Variants in DISC1 observed in about 807,000 individuals in gnomAD.
The protein encoded by DISC1 is DISC1 scaffold protein, also known as disrupted in schizophrenia 1 protein.
In DISC1, 57 loss-of-function variants were observed where a neutral mutation model predicts 84.5. That is an observed-to-expected ratio of 0.67 (90% CI 0.55 to 0.84). The LOEUF is 0.84. Ranked by LOEUF, DISC1 falls within the 40% of genes least tolerant of loss-of-function variation. The probability of loss-of-function intolerance (pLI) is 0.00; values close to 1 mark genes in which losing one functional copy is unlikely to be tolerated. For missense variants in DISC1, 1,000 were observed against 1,057.8 expected (o/e 0.95, Z 0.76); for synonymous variants, 411 against 415.2 (o/e 0.99, Z 0.12).
chr1:231,930,484 A>G (rs2090592427), intron 9 of DISC1, among the ~76,000 whole-genome samples: 1 of 152,198 alleles, frequency 6.6e-6, no homozygotes, highest in Non-Finnish European at 1.5e-5. Context: ...TTTGCATTAA[A>G]TGATGTTGGC....
At chr1:231,912,640 G>C (rs2089299628) in intron 9 of DISC1, among the ~76,000 whole-genome samples, 1 of 152,192 alleles carries the variant, frequency 6.6e-6, no homozygotes, top group South Asian at 2.1e-4. Context: ...GGACCCACTT[G>C]AGGAGGCAGT....
chr1:231,894,744 GTTGTGT>G (rs747685111), intron 9 of DISC1, among the ~76,000 whole-genome samples: 1 of 85,886 alleles, frequency 1.2e-5, no homozygotes, highest in East Asian at 4.3e-4. Context: ...TGTGTCATCT[GTTGTGT>G]GTGTGTGTGT....
At chr1:231,722,877 A>G (rs1350522936) in intron 3 of DISC1, 12 of 1,381,760 alleles carry the variant, frequency 8.7e-6, no homozygotes, top group Non-Finnish European at 1.1e-5. Context: ...ATGGCATGAA[A>G]AAACCGCTAT....
chr1:232,001,536 C>G (rs1007568006), intron 10 of DISC1, among the ~76,000 whole-genome samples: 2 of 152,012 alleles, frequency 1.3e-5, no homozygotes, highest in Admixed American at 6.6e-5. Flanking sequence ...GAGATATAAT[C>G]CAACATATTA....
intron 9 of DISC1, among the ~76,000 whole-genome samples, chr1:231,931,636 C>T (rs1043288765): frequency 2.1e-5 from 3 of 144,988 alleles, no homozygotes; most frequent in African/African-American, 7.7e-5. Context: ...AGTTTTGACA[C>T]TGCTTGTGAT....
rs1269027011 is a variant in DISC1 at position 232,008,931 on chromosome 1, C to A, written c.2189C>A (p.Pro730His). ...ATGGATGACTTAGAGGGAGCTGCTC[C>A]TCCTATTCCCCCCAGGCTCCACTCC... ...RQMDDLEGAA[P>H]PIPPRLHSED... Residue 730 changes from proline to histidine, a missense_variant, in exon 11 of 13, where the codon CCT becomes CAT. By Grantham distance (77) the Pro-to-His change is moderately conservative. Transcript: ENST00000439617. 6.2e-7 allele frequency: 1 copy of A among 1,613,632 alleles called. No homozygotes were observed. The highest frequency in any genetic ancestry group is 1.7e-5 in the Admixed American group (1 of 59,992).
intron 9 of DISC1, among the ~76,000 whole-genome samples, chr1:231,925,022 T>C (rs1377573297): frequency 6.6e-6 from 1 of 151,540 alleles, no homozygotes; most frequent in East Asian, 1.9e-4. Flanking sequence ...ATTTGTCTTA[T>C]GGATAAGGTG....
At chr1:231,681,820 C>T (rs1024243625) in intron 1 of DISC1, among the ~76,000 whole-genome samples, 1 of 152,106 alleles carries the variant, frequency 6.6e-6, no homozygotes, top group South Asian at 2.1e-4. Context: ...CTCAGCCTCC[C>T]AAGTAGCTAG....
chr1:231,679,954 G>A (rs1436673350), intron 1 of DISC1, among the ~76,000 whole-genome samples: 3 of 152,176 alleles, frequency 2.0e-5, no homozygotes, highest in Non-Finnish European at 4.4e-5. Context: ...AAGGCCAGGC[G>A]CAGTGGTTCA....
chr1:231,674,232 T>A (rs1177209179), intron 1 of DISC1, among the ~76,000 whole-genome samples: 1 of 151,766 alleles, frequency 6.6e-6, no homozygotes, highest in Non-Finnish European at 1.5e-5. Flanking sequence ...ATGTCAGATT[T>A]GTCAAGCTAG....
chr1:232,037,310 T>G lies in DISC1; in HGVS notation c.*479T>G, dbSNP rs987770108. ...CTACAGGTGCACAATCTAAGAGAGCTAATTAACCTCAGAGTCTGGAGTTAA... is the reference window on the plus strand; with the variant it reads ...CTACAGGTGCACAATCTAAGAGAGCGAATTAACCTCAGAGTCTGGAGTTAA... On this transcript the variant is annotated 3_prime_UTR_variant, in exon 13 of 13. Transcript: ENST00000439617. The G allele has an allele frequency of 6.6e-6, 1 of 152,238 alleles. No individual in the cohort carries two copies. The highest frequency in any genetic ancestry group is 1.5e-5 in the Non-Finnish European group (1 of 68,078). 9.4% of individuals were successfully genotyped at this position (152,238 alleles called of 1,614,324 possible). A position where few individuals can be genotyped will look rare whatever the true frequency, so the allele number is the denominator to read the frequency against.
rs1368293397 is a variant in DISC1, at chr1:231,784,712, G to C, written c.1635-10530G>C. 3.3e-5 allele frequency among the ~76,000 whole-genome samples: 5 copies of C among 152,152 alleles called. No individual in the cohort carries two copies. In the East Asian group the frequency reaches 9.6e-4, roughly 29 times the overall value. On this transcript the variant is annotated intron_variant, in intron 6 of 12. Transcript: ENST00000439617. ...AAAAGATGAGCTAGTTGGTGAGCAC[G>C]AAGGTGAGTGTCTGGCTTGAGTCCA...
chr1:231,822,230 C>G (rs1479729624), intron 9 of DISC1, among the ~76,000 whole-genome samples: 1 of 152,086 alleles, frequency 6.6e-6, no homozygotes, highest in Non-Finnish European at 1.5e-5. Flanking sequence ...ATTTTCCCAC[C>G]TTATGCCAGC....
At chr1:231,837,147 G>A (rs879257478) in intron 9 of DISC1, among the ~76,000 whole-genome samples, 5 of 151,954 alleles carry the variant, frequency 3.3e-5, no homozygotes, top group African/African-American at 7.3e-5. Flanking sequence ...AATATTAATC[G>A]TGAGCCCCAA....
intron 9 of DISC1, among the ~76,000 whole-genome samples, chr1:231,847,367 G>C (rs1195779248): frequency 6.6e-6 from 1 of 152,046 alleles, no homozygotes; most frequent in Non-Finnish European, 1.5e-5. Flanking sequence ...GAAGTACCAG[G>C]GATTAGGGAT....
At chr1:232,019,948 CTT>C (rs754652378) in intron 11 of DISC1, among the ~76,000 whole-genome samples, 4 of 152,148 alleles carry the variant, frequency 2.6e-5, no homozygotes, top group Non-Finnish European at 2.9e-5. Flanking sequence ...GGAATTGAGA[CTT>C]TGCAGAGTTC....
At chr1:231,691,781 T>C (rs2125638729) in intron 1 of DISC1, among the ~76,000 whole-genome samples, 1 of 152,326 alleles carries the variant, frequency 6.6e-6, no homozygotes, top group East Asian at 1.9e-4. Flanking sequence ...GTATGAGTAG[T>C]GCGTGTGCCT....
intron 4 of DISC1, among the ~76,000 whole-genome samples, chr1:231,757,428 G>A (rs1186379183): frequency 6.6e-6 from 1 of 152,096 alleles, no homozygotes; most frequent in African/African-American, 2.4e-5. Context: ...TATTTTTGTT[G>A]TCACTTTGTT....
intron 3 of DISC1, chr1:231,723,319 G>C: frequency 1.2e-5 from 12 of 985,908 alleles, no homozygotes; most frequent in Non-Finnish European, 1.4e-5. Context: ...CATAACTGCA[G>C]GCAGAACATC....
Sources: gnomAD v4.1 joint callset for allele counts (sites outside exome capture counted in the v4.1 genomes callset) on GRCh38, gnomAD v4.1.1 for gene constraint, MANE v1.5 for transcripts, NCBI Gene and HGNC (gene_info 2026-07-23, HGNC 2026-07-21) for gene names.